The following THSD4 variants were observed in gnomAD, a reference collection of about 807,000 sequenced individuals.
The protein encoded by THSD4 is thrombospondin type-1 domain-containing protein 4.
A neutral mutation model predicts 119.0 loss-of-function variants in THSD4; 69 were observed. The observed-to-expected ratio is 0.58, with a 90% CI of 0.48 to 0.71. The LOEUF (loss-of-function observed/expected upper bound fraction) is 0.71. THSD4 is among the 30% of genes least tolerant of loss of function. The probability of loss-of-function intolerance (pLI) is 0.00; values close to 1 mark genes in which losing one functional copy is unlikely to be tolerated. For missense variants in THSD4, 1,393 were observed against 1,391.1 expected (o/e 1.00, Z -0.02); for synonymous variants, 524 against 540.4 (o/e 0.97, Z 0.42).
At chr15:71,318,307 AG>A (rs1318534089) in intron 6 of THSD4, among the ~76,000 whole-genome samples, 1 of 152,126 alleles carries the variant, frequency 6.6e-6, no homozygotes, top group Non-Finnish European at 1.5e-5. Context: ...ATGAAGGCCG[AG>A]GATGTCAGGG....
At chr15:71,303,954 T>C (rs1481738845) in intron 6 of THSD4, among the ~76,000 whole-genome samples, 2 of 152,194 alleles carry the variant, frequency 1.3e-5, no homozygotes, top group East Asian at 3.9e-4. Context: ...GTTGCTTTTC[T>C]CTGGTCCACT....
chr15:71,281,187 G>A lies in THSD4; in HGVS notation c.1015+24472G>A, dbSNP rs569482790. On this transcript the variant is annotated intron_variant, in intron 6 of 17. Transcript: ENST00000261862. ...GAGTTGGGCTGAGGTATGAATCCGAGAAGTCTACTTTGCAAGACACATGTT... is the reference window on the plus strand; with the variant it reads ...GAGTTGGGCTGAGGTATGAATCCGAAAAGTCTACTTTGCAAGACACATGTT... Among the ~76,000 whole-genome samples the A allele has an allele frequency of 3.9e-5, 6 of 152,358 alleles. No homozygotes were observed. In the South Asian group the frequency reaches 1.2e-3, roughly 32 times the overall value.
At chr15:71,755,179 C>G (rs2053516930) in intron 14 of THSD4, among the ~76,000 whole-genome samples, 1 of 152,338 alleles carries the variant, frequency 6.6e-6, no homozygotes, top group East Asian at 1.9e-4. Flanking sequence ...TCAAAATAAT[C>G]AACATGCCAA....
intron 3 of THSD4, among the ~76,000 whole-genome samples, chr15:71,168,881 G>A (rs1378778231): frequency 6.6e-6 from 1 of 152,158 alleles, no homozygotes; most frequent in Non-Finnish European, 1.5e-5. Flanking sequence ...GAAAACATTT[G>A]AGAATAGCTT....
At chr15:71,566,146 T>G (rs1165896394) in intron 7 of THSD4, among the ~76,000 whole-genome samples, 1 of 46,262 alleles carries the variant, frequency 2.2e-5, no homozygotes, top group African/African-American at 5.8e-5. Flanking sequence ...TTTTTTCTTT[T>G]TCTTTTTTTC....
At chr15:71,619,643 C>G (rs981243161) in intron 7 of THSD4, among the ~76,000 whole-genome samples, 1 of 152,184 alleles carries the variant, frequency 6.6e-6, no homozygotes, top group Non-Finnish European at 1.5e-5. Context: ...CCTATCTATT[C>G]TGTTTCTTTG....
intron 3 of THSD4, among the ~76,000 whole-genome samples, chr15:71,175,977 C>A (rs2043445393): frequency 3.7e-5 from 2 of 54,692 alleles, no homozygotes; most frequent in Non-Finnish European, 3.6e-5. Context: ...TAAAAGAGCT[C>A]CTGAAGGAAG....
chr15:71,547,616 G>T, intron 7 of THSD4: 3 of 1,001,028 alleles, frequency 3.0e-6, no homozygotes, highest in African/African-American at 1.7e-5. Flanking sequence ...ACTTTTGTAG[G>T]CTTCTCTTGC....
At chr15:71,775,389 G>C (rs1303828283) in intron 17 of THSD4, among the ~76,000 whole-genome samples, 1 of 152,054 alleles carries the variant, frequency 6.6e-6, no homozygotes, top group Non-Finnish European at 1.5e-5. Flanking sequence ...CAAAATCCAG[G>C]CAAGGTTTTT....
intron 6 of THSD4, among the ~76,000 whole-genome samples, chr15:71,384,131 G>A (rs148623690): frequency 0.016 from 2,385 of 152,314 alleles, 72 homozygotes; most frequent in African/African-American, 0.055. Flanking sequence ...TGTAATCCCA[G>A]CACTTTGGGA....
chr15:71,746,170 A>T (rs1488724691), intron 12 of THSD4, among the ~76,000 whole-genome samples: 8 of 152,224 alleles, frequency 5.3e-5, no homozygotes, highest in Admixed American at 2.0e-4. Context: ...CTAGAATAAG[A>T]TTCCTAAGTT....
chr15:71,703,874 G>A (rs1595877107), intron 8 of THSD4, among the ~76,000 whole-genome samples: 1 of 152,272 alleles, frequency 6.6e-6, no homozygotes, highest in Non-Finnish European at 1.5e-5. Context: ...TTTTGAGACA[G>A]AGTCTTGCTC....
intron 7 of THSD4, among the ~76,000 whole-genome samples, chr15:71,496,704 A>T (rs2048022652): frequency 6.6e-6 from 1 of 152,222 alleles, no homozygotes; most frequent in African/African-American, 2.4e-5. Flanking sequence ...CCATCTAACC[A>T]GGCACAATGA....
chr15:71,705,827 A>G (rs1036454092), intron 8 of THSD4, among the ~76,000 whole-genome samples: 1 of 152,216 alleles, frequency 6.6e-6, no homozygotes, highest in African/African-American at 2.4e-5. Context: ...AGTTCATATA[A>G]TGAGGGAGAT....
intron 8 of THSD4, among the ~76,000 whole-genome samples, chr15:71,718,300 T>C (rs17799395): frequency 0.17 from 25,809 of 152,104 alleles, 2,408 homozygotes; most frequent in Middle Eastern, 0.22. Flanking sequence ...ATGAGACCCA[T>C]TGACAAAATT....
At chr15:71,246,774 G>C (rs2044204761) in intron 5 of THSD4, among the ~76,000 whole-genome samples, 1 of 151,610 alleles carries the variant, frequency 6.6e-6, no homozygotes, top group Admixed American at 6.6e-5. Context: ...ACACATCCTA[G>C]TACAGATAGA....
At chr15:71,719,971 C>T (rs1253817325) in intron 8 of THSD4, among the ~76,000 whole-genome samples, 1 of 150,304 alleles carries the variant, frequency 6.7e-6, no homozygotes, top group Non-Finnish European at 1.5e-5. Flanking sequence ...CCACTGCGTT[C>T]GGCCATCAAA....
intron 6 of THSD4, 55 bp downstream of exon 6, chr15:71,256,770 T>C: frequency 6.6e-7 from 1 of 1,515,106 alleles, no homozygotes; most frequent in East Asian, 2.3e-5. Flanking sequence ...TTTTCCATTC[T>C]TGTTGACTTC....
intron 8 of THSD4, among the ~76,000 whole-genome samples, chr15:71,694,469 C>G (rs1337624754): frequency 1.3e-5 from 2 of 152,144 alleles, no homozygotes; most frequent in African/African-American, 4.8e-5. Flanking sequence ...CATTTTCCTT[C>G]CAGTTGTGCA....
Sources: allele counts gnomAD v4.1 joint callset (sites outside exome capture counted in the v4.1 genomes callset), GRCh38; gene constraint gnomAD v4.1.1; transcripts MANE v1.5; gene names NCBI Gene and HGNC (gene_info 2026-07-23, HGNC 2026-07-21).